Variants in NBPF15 observed in about 807,000 individuals in gnomAD.
NBPF15 encodes NBPF family member NBPF15.
Under a neutral mutation model 62.2 loss-of-function variants are expected in NBPF15, and 74 were observed. The ratio of observed to expected loss-of-function variants is 1.19; its 90% CI spans 0.99 to 1.44. The LOEUF is 1.44. NBPF15 is among the 40% of genes most tolerant of loss of function. NBPF15 has a pLI of 0.00. For missense variants in NBPF15, 790 were observed against 550.0 expected (o/e 1.44, Z -4.36); for synonymous variants, 244 against 209.7 (o/e 1.16, Z -1.41).
At chr1:144,431,596 C>A (rs1381384586) in intron 13 of NBPF15, among the ~76,000 whole-genome samples, 2 of 139,734 alleles carry the variant, frequency 1.4e-5, no homozygotes, top group African/African-American at 5.4e-5. Context: ...CACCCATTAA[C>A]TCATCATTTA....
At position 144,439,978 on chromosome 1, in the gene NBPF15, G is replaced by A. The variant is rs1681605037; in HGVS notation, c.26C>T (p.Ser9Phe). The A allele has an allele frequency of 1.2e-6, 2 of 1,610,234 alleles. No individual in the cohort carries two copies. Among genetic ancestry groups the A allele is most frequent in the Non-Finnish European group, 8.5e-7 (1 of 1,178,218 alleles). ...AATGTTCATCTCTGCCTTCTCGCTG[G>A]ACAAAGGGCCGGCTGATACCACCAT... MVVSAGPL[S>F]SEKAEMNILE... is the part of the protein sequence containing the mutation. Residue 9 changes from serine to phenylalanine, a missense_variant, in exon 8 of 22, where the codon TCC (serine) becomes TTC (phenylalanine). Physicochemically the swap from Ser to Phe is radical, Grantham distance 155. Coordinates refer to ENST00000581897, the MANE Select transcript of NBPF15 (RefSeq NM_001385408.1).
At chr1:144,449,718 C>A (rs1485418618) in intron 5 of NBPF15, among the ~76,000 whole-genome samples, 2 of 151,136 alleles carry the variant, frequency 1.3e-5, no homozygotes, top group Non-Finnish European at 3.0e-5. Context: ...TTTTGCCCAG[C>A]TCCATTTCCA....
At chr1:144,440,468 A>G in intron 6 of NBPF15, 173 bp from the exon 7 acceptor site, 4 of 512,802 alleles carry the variant, frequency 7.8e-6, no homozygotes, top group Non-Finnish European at 1.4e-5. Flanking sequence ...TACCCTTGTG[A>G]CAATGCCACA....
intron 6 of NBPF15, among the ~76,000 whole-genome samples, chr1:144,442,109 T>G: frequency 1.3e-5 from 1 of 75,554 alleles, no homozygotes. Context: ...CGTGTATATA[T>G]ATATATAATA....
chr1:144,452,206 T>C (rs193248710), intron 4 of NBPF15, among the ~76,000 whole-genome samples: 19 of 152,150 alleles, frequency 1.2e-4, no homozygotes, highest in Admixed American at 5.9e-4. Flanking sequence ...AATATTATTA[T>C]GTGAAAATGT....
chr1:144,460,343 C>A lies in NBPF15; in HGVS notation c.-819+500G>T, dbSNP rs375951122. 8.1e-3 allele frequency among the ~76,000 whole-genome samples: 940 copies of A among 115,994 alleles called. 11 individuals carry two copies. Among genetic ancestry groups the A allele is most frequent in the Non-Finnish European group, 0.013 (726 of 56,638 alleles). The allele number at this position is 115,994 out of a possible 152,430, so 76.1% of individuals were successfully genotyped here. The stretch of plus-strand genomic sequence containing the variant: ...CAGGTGTGATCTACCGCGCCCGGAC[C>A]ACCTGCACATTTAAAATTGTGAACC... On this transcript the variant is annotated intron_variant, in intron 2 of 21. Transcript: ENST00000581897.
chr1:144,439,596 T>G (rs1487503018), intron 8 of NBPF15, among the ~76,000 whole-genome samples: 2 of 152,128 alleles, frequency 1.3e-5, no homozygotes, highest in Non-Finnish European at 2.9e-5. Context: ...CAGAAATCAA[T>G]AAATGGCAGT....
In NBPF15 at chr1:144,426,434, G is replaced by C. The variant is rs587739371; in HGVS notation, c.1282C>G (p.Leu428Val). ...PSCPRLSREL[L>V]DEKEPEVLQD... ...AAGACTTCAGGCTCTTTCTCATCCA[G>C]CAGCTCCCTGCTGAGCCTGGAAAAG... Residue 428 changes from leucine to valine, a missense_variant, in exon 18 of 22, where the codon CTG becomes GTG. Transcript: ENST00000581897. 5.8e-4 allele frequency: 454 copies of C among 786,990 alleles called. 11 individuals carry two copies. In the South Asian group the frequency reaches 5.9e-3, roughly 10 times the overall value. The allele number at this position is 786,990 out of a possible 1,614,324, so 48.8% of individuals were successfully genotyped here.
At chr1:144,439,176 G>C (rs1355474819) in intron 8 of NBPF15, among the ~76,000 whole-genome samples, 1 of 151,566 alleles carries the variant, frequency 6.6e-6, no homozygotes, top group African/African-American at 2.4e-5. Context: ...TGGAGATGGG[G>C]TTTCTCCATG....
At chr1:144,423,463 G>A (rs878976991) in intron 21 of NBPF15, among the ~76,000 whole-genome samples, 1 of 151,058 alleles carries the variant, frequency 6.6e-6, no homozygotes, top group South Asian at 2.2e-4. Flanking sequence ...CAGAGAGAGA[G>A]AGACAGAGAC....
chr1:144,453,103 C>T (rs587650737), intron 4 of NBPF15, among the ~76,000 whole-genome samples: 2 of 145,510 alleles, frequency 1.4e-5, no homozygotes, highest in Non-Finnish European at 3.0e-5. Context: ...CTACAGTAAC[C>T]CAAATAGTGT....
chr1:144,424,921 C>G, intron 19 of NBPF15, 59 bp from the exon 20 acceptor site: 1 of 519,814 alleles, frequency 1.9e-6, no homozygotes, highest in Non-Finnish European at 3.3e-6. Context: ...AACAGAGCCC[C>G]AACTAGGTTT....
At chr1:144,438,995 TA>T (rs1374287626) in intron 8 of NBPF15, among the ~76,000 whole-genome samples, 1,837 of 150,858 alleles carry the variant, frequency 0.012, 45 homozygotes, top group African/African-American at 0.043. Context: ...TTATTATTAT[TA>T]TTTTTTTTTA....
chr1:144,440,448 A>G (rs1451622453), intron 6 of NBPF15, 153 bp from the exon 7 acceptor site: 7 of 553,004 alleles, frequency 1.3e-5, no homozygotes, highest in Non-Finnish European at 2.2e-5. Flanking sequence ...ATTCACTCTC[A>G]GTATTCGTGT....
In NBPF15 at chr1:144,425,558, C is replaced by T. The variant is rs1358545469; in HGVS notation, c.1449G>A (p.Lys483=). The change falls in exon 19 of 22, where the codon AAG becomes AAA. Residue 483 remains lysine (K), a synonymous_variant. Transcript: ENST00000581897. The part of the protein sequence containing the change: ...GLALDVDRIK[K]DQEEEEDQGP... Reference sequence around the variant, plus strand: ...CTTGGTCTTCTTCCTCTTCTTGGTCCTTTTTAATTCCTGCAATACATTCAG... The same window carrying T: ...CTTGGTCTTCTTCCTCTTCTTGGTCTTTTTTAATTCCTGCAATACATTCAG... The T allele has an allele frequency of 2.1e-5, 12 of 562,238 alleles. No homozygotes were observed. In the African/African-American group the frequency reaches 2.4e-4, roughly 11 times the overall value. The allele number at this position is 562,238 out of a possible 1,614,324, so 34.8% of individuals were successfully genotyped here.
At chr1:144,459,803 T>G (rs1401992403) in intron 2 of NBPF15, among the ~76,000 whole-genome samples, 9 of 151,598 alleles carry the variant, frequency 5.9e-5, no homozygotes, top group African/African-American at 2.2e-4. Context: ...AATGGCAAAA[T>G]AATTTTTAAC....
chr1:144,440,920 G>A (rs1204239579), intron 6 of NBPF15, among the ~76,000 whole-genome samples: 25 of 151,370 alleles, frequency 1.7e-4, no homozygotes, highest in Admixed American at 2.6e-4. Flanking sequence ...CTGCCGCCTC[G>A]GCCTCCCAAA....
At chr1:144,461,210 C>T (rs1241865870) in intron 1 of NBPF15, among the ~76,000 whole-genome samples, 171 bp downstream of exon 1, 1 of 152,060 alleles carries the variant, frequency 6.6e-6, no homozygotes, top group Non-Finnish European at 1.5e-5. Context: ...CCAAGGAGGG[C>T]TGCGGGCGGC....
Position 144,427,985 on chromosome 1 carries a change from C to T in NBPF15, c.1046G>A (p.Ser349Asn), listed in dbSNP as rs1331957809. The T allele has an allele frequency of 4.0e-6, 3 of 757,912 alleles. No individual in the cohort carries two copies. Among genetic ancestry groups the T allele is most frequent in the African/African-American group, 3.4e-5 (2 of 58,496 alleles). 46.9% of individuals were successfully genotyped at this position (757,912 alleles called of 1,614,324 possible). ...EDQEATGPRLSRELLDEKEPE... is the reference protein window; with the variant it reads ...EDQEATGPRLNRELLDEKEPE... ...CTCTTTCTCATCCAGCAGCTCCCTG[C>T]TGAGCCTGGAAAAGTGGGAAAAAGT... Residue 349 changes from serine (S) to asparagine (N), a missense_variant, in exon 16 of 22, where the codon AGC (serine) becomes AAC (asparagine). Coordinates refer to ENST00000581897, the MANE Select transcript of NBPF15 (RefSeq NM_001385408.1).
Sources: gnomAD v4.1 joint callset for allele counts (sites outside exome capture counted in the v4.1 genomes callset) on GRCh38, gnomAD v4.1.1 for gene constraint, MANE v1.5 for transcripts, NCBI Gene and HGNC (gene_info 2026-07-23, HGNC 2026-07-21) for gene names.